UGT1A5: variants seen among roughly 807,000 people sequenced by gnomAD.
The protein encoded by UGT1A5 is UDP glucuronosyltransferase family 1 member A5.
Under a neutral mutation model 40.3 loss-of-function variants are expected in UGT1A5, and 29 were observed. The observed-to-expected ratio is 0.72, with a 90% CI of 0.54 to 0.98. The LOEUF is 0.98. Among genes scored for constraint, UGT1A5 ranks in the 50% least tolerant of loss-of-function variants. The pLI, the probability that UGT1A5 is intolerant of heterozygous loss-of-function variation, is 0.00. For synonymous variants in UGT1A5, 257 were observed against 262.5 expected (o/e 0.98, Z 0.20); for missense variants, 678 against 677.9 (o/e 1.00, Z 0.00).
Position 233,768,375 on chromosome 2 carries a change from A to C in UGT1A5, c.1243A>C (p.Asn415His). The change falls in exon 4 of 5, where the codon AAT becomes CAT. Residue 415 changes from asparagine to histidine, a missense_variant. Transcript: ENST00000373414. ...GACTAAGGGAGCTGGAGTGACCCTG[A>C]ATGTTCTGGAAATGACTTCTGAAGA... ...METKGAGVTL[N>H]VLEMTSEDLE... 1 of 1,614,190 alleles carries C rather than the reference A, an allele frequency of 6.2e-7. No individual in the cohort carries two copies. Among genetic ancestry groups the C allele is most frequent in the African/African-American group, 1.3e-5 (1 of 75,044 alleles).
At chr2:233,725,059 C>T (rs1273678780) in intron 1 of UGT1A5, among the ~76,000 whole-genome samples, 8 of 146,980 alleles carry the variant, frequency 5.4e-5, no homozygotes, top group African/African-American at 1.0e-4. Flanking sequence ...TGGCGGCGCG[C>T]GCCTGCAATC....
rs192599700 is a variant in UGT1A5, at chr2:233,747,215, T to C, written c.868-19819T>C. 3.6e-4 allele frequency: 574 copies of C among 1,605,522 alleles called. 5 individuals are homozygous for C. In the East Asian group the frequency reaches 0.012, roughly 33 times the overall value. On this transcript the variant is annotated intron_variant, in intron 1 of 4. Coordinates refer to ENST00000373414, the MANE Select transcript of UGT1A5 (RefSeq NM_019078.2). ...CAGCTGTCCGTGTCTTCTGCTGAGA[T>C]GGCCACAGGACCCCAGGTTCCCCTG...
rs1699307451 is a variant in UGT1A5, at chr2:233,767,015, A to G, written c.868-19A>G. The G allele has an allele frequency of 6.2e-7, 1 of 1,613,760 alleles. No homozygotes were observed. Among genetic ancestry groups the G allele is most frequent in the South Asian group, 1.1e-5 (1 of 90,990 alleles). On this transcript the variant is annotated intron_variant, in intron 1 of 4. Transcript: ENST00000373414. The stretch of plus-strand genomic sequence containing the variant: ...GAATATGAGAAAAAATTAACTGAAA[A>G]TTTTTCTTCTGGCTCTAGGAATTTG...
At chr2:233,729,319 G>A in intron 1 of UGT1A5, 1 of 1,614,228 alleles carries the variant, frequency 6.2e-7, no homozygotes. Context: ...CACCCCAGAG[G>A]TGAATATGCA....
chr2:233,756,811 T>C (rs1696332579), intron 1 of UGT1A5, among the ~76,000 whole-genome samples: 1 of 152,156 alleles, frequency 6.6e-6, no homozygotes. Context: ...TAAAGGTCAC[T>C]CAATTCCAAG....
At chr2:233,762,330 T>C (rs150255996) in intron 1 of UGT1A5, among the ~76,000 whole-genome samples, 11 of 152,350 alleles carry the variant, frequency 7.2e-5, no homozygotes, top group African/African-American at 1.9e-4. Flanking sequence ...TAATCCACAA[T>C]AGCTCTTTTT....
At chr2:233,743,602 G>T in intron 1 of UGT1A5, 1 of 1,367,274 alleles carries the variant, frequency 7.3e-7, no homozygotes, top group Non-Finnish European at 9.8e-7. Context: ...GGTCCTGGCC[G>T]CCGAAGAACT....
Position 233,730,172 on chromosome 2 carries a change from A to T in UGT1A5, c.867+16314A>T, listed in dbSNP as rs45486905. On this transcript the variant is annotated intron_variant, in intron 1 of 4. Coordinates refer to ENST00000373414, the MANE Select transcript of UGT1A5 (RefSeq NM_019078.2). ...TAAGGGGTCTCTAGTAGCGTATTTCAGGTTTTAAATGGTCACTGAGAGGAA... is the reference window on the plus strand; with the variant it reads ...TAAGGGGTCTCTAGTAGCGTATTTCTGGTTTTAAATGGTCACTGAGAGGAA... Among the ~76,000 whole-genome samples the T allele has an allele frequency of 6.6e-5, 10 of 152,342 alleles. No homozygotes were observed. In the East Asian group the frequency reaches 1.9e-3, roughly 29 times the overall value.
At chr2:233,750,181 G>A (rs571998663) in intron 1 of UGT1A5, among the ~76,000 whole-genome samples, 9 of 151,994 alleles carry the variant, frequency 5.9e-5, no homozygotes. Context: ...TGCTGATAAT[G>A]TTGTGGACAA....
chr2:233,718,474 A>G (rs1284319219), intron 1 of UGT1A5, among the ~76,000 whole-genome samples: 1 of 152,230 alleles, frequency 6.6e-6, no homozygotes, highest in Admixed American at 6.5e-5. Context: ...CTGCAGCCTG[A>G]TAAATATGGT....
intron 1 of UGT1A5, chr2:233,719,544 G>C (rs1282092196): frequency 1.2e-6 from 2 of 1,613,824 alleles, no homozygotes; most frequent in Non-Finnish European, 1.7e-6. Context: ...TTTTCAGAGA[G>C]AGGTGTCAGT....
intron 1 of UGT1A5, chr2:233,721,910 T>G: frequency 2.3e-6 from 1 of 439,350 alleles, no homozygotes; most frequent in Admixed American, 2.5e-5. Context: ...TGGTGCACAC[T>G]GCTTCCATAA....
chr2:233,724,121 C>T (rs2077171215), intron 1 of UGT1A5, among the ~76,000 whole-genome samples: 1 of 117,216 alleles, frequency 8.5e-6, no homozygotes. Context: ...GCAGAGGCGC[C>T]CCTCACCTCC....
intron 4 of UGT1A5, chr2:233,770,334 G>T (rs1260169235): frequency 6.6e-6 from 1 of 152,106 alleles, no homozygotes; most frequent in East Asian, 1.9e-4. Flanking sequence ...GGCCATAATA[G>T]GTGCTCAATT....
At position 233,772,385 on chromosome 2, in the gene UGT1A5, C is replaced by A. The variant is rs28900406; in HGVS notation, c.1431C>A (p.Pro477=). ...ACAAGGGCGCGCCACACCTGCGCCCCGCAGCCCACGACCTCACCTGGTACC... is the reference window on the plus strand; with the variant it reads ...ACAAGGGCGCGCCACACCTGCGCCCAGCAGCCCACGACCTCACCTGGTACC... ...MRHKGAPHLR[P]AAHDLTWYQY... is the part of the protein sequence containing the mutation. The change falls in exon 5 of 5, where the codon CCC becomes CCA. Residue 477 remains proline (P), a synonymous_variant. Transcript: ENST00000373414. 3 of 1,614,128 alleles carry A rather than the reference C, an allele frequency of 1.9e-6. No individual in the cohort carries two copies. The African/African-American group carries it at 4.0e-5, about 22-fold the overall frequency.
chr2:233,772,879 G>T lies in UGT1A5; in HGVS notation c.*320G>T. The stretch of plus-strand genomic sequence containing the variant: ...AAACATGGCCTGTTTGGGAGTGCGG[G>T]ATTCAAAGGTGGTCCCACGGCTGCC... On this transcript the variant is annotated 3_prime_UTR_variant, in exon 5 of 5. Transcript: ENST00000373414. The T allele has an allele frequency of 1.7e-6, 1 of 580,054 alleles. No individual in the cohort carries two copies. The allele number at this position is 580,054 out of a possible 1,614,324, so 35.9% of individuals were successfully genotyped here. A position where few individuals can be genotyped will look rare whatever the true frequency, so the allele number is the denominator to read the frequency against.
chr2:233,749,921 T>C (rs1694306476), intron 1 of UGT1A5, among the ~76,000 whole-genome samples: 1 of 151,948 alleles, frequency 6.6e-6, no homozygotes. Flanking sequence ...TGTGAGTCAA[T>C]TAAAGCTCTT....
chr2:233,761,973 C>T (rs557947533), intron 1 of UGT1A5, among the ~76,000 whole-genome samples: 2 of 152,314 alleles, frequency 1.3e-5, no homozygotes, highest in East Asian at 3.9e-4. Flanking sequence ...ACTGATATCA[C>T]CTTCGGAGGT....
chr2:233,719,681 A>G (rs1559365276), intron 1 of UGT1A5: 10 of 1,614,106 alleles, frequency 6.2e-6, no homozygotes, highest in Non-Finnish European at 8.5e-6. Context: ...GGAAGCCACT[A>G]TCTCAGGTCT....
Sources: allele counts gnomAD v4.1 joint callset (sites outside exome capture counted in the v4.1 genomes callset), GRCh38; gene constraint gnomAD v4.1.1; transcripts MANE v1.5; gene names NCBI Gene and HGNC (gene_info 2026-07-23, HGNC 2026-07-21).